Variants in CHM observed in about 807,000 individuals in gnomAD.
CHM encodes rab proteins geranylgeranyltransferase component A 1.
CHM carries 10 observed loss-of-function variants against 49.0 expected under a neutral mutation model. That is an observed-to-expected ratio of 0.20 (90% CI 0.13 to 0.35). The LOEUF (loss-of-function observed/expected upper bound fraction) is 0.35, where lower values mean the gene tolerates loss of function less well. Ranked by LOEUF, CHM falls within the 10% of genes least tolerant of loss-of-function variation. The pLI is 1.00. For synonymous variants in CHM, 184 were observed against 167.5 expected (o/e 1.10, Z -0.76); for missense variants, 455 against 478.4 (o/e 0.95, Z 0.46).
In CHM at chrX:85,913,014, GAAAAAAAAAAAAAAA is replaced by G. The variant is rs755460793; in HGVS notation, c.1167-1691_1167-1677del. Among the ~76,000 whole-genome samples the G allele has an allele frequency of 5.7e-3, 217 of 38,250 alleles. 1 individual carries two copies. Among genetic ancestry groups the G allele is most frequent in the South Asian group, 0.048 (21 of 436 alleles). The allele number at this position is 38,250 out of a possible 115,157, so 33.2% of individuals were successfully genotyped here. A position where few individuals can be genotyped will look rare whatever the true frequency, so the allele number is the denominator to read the frequency against. On this transcript the variant is annotated intron_variant, in intron 8 of 14. Coordinates refer to ENST00000357749, the MANE Select transcript of CHM (RefSeq NM_000390.4). ...GGTGACAGAGTGAGACTCCATCTCA[GAAAAAAAAAAAAAAA>G]AAAAAAAAAAGGAAAGAAAGAGGCA... is the stretch of plus-strand genomic sequence containing the variant.
In CHM at chrX:85,890,604, C is replaced by T. The variant is rs970900949; in HGVS notation, c.1510+3584G>A. ...CCTGATTTTTCTCCTTCTGCTGCCACGTAAGAAGTGCCTTTTGCCTCCTGC... is the reference window on the plus strand; with the variant it reads ...CCTGATTTTTCTCCTTCTGCTGCCATGTAAGAAGTGCCTTTTGCCTCCTGC... On this transcript the variant is annotated intron_variant, in intron 12 of 14. Coordinates refer to ENST00000357749, the MANE Select transcript of CHM (RefSeq NM_000390.4). Among the ~76,000 whole-genome samples the T allele has an allele frequency of 1.2e-4, 14 of 112,087 alleles. No homozygotes were observed. In the East Asian group the frequency reaches 2.2e-3, roughly 18 times the overall value.
chrX:86,038,982 C>G (rs1229740973), intron 1 of CHM, among the ~76,000 whole-genome samples: 1 of 112,424 alleles, frequency 8.9e-6, no homozygotes, highest in Non-Finnish European at 1.9e-5. Flanking sequence ...CAACCTTAGT[C>G]AGAAAAACTT....
At chrX:85,951,213 G>T (rs958926825) in intron 8 of CHM, among the ~76,000 whole-genome samples, 5 of 111,379 alleles carry the variant, frequency 4.5e-5, no homozygotes, top group Non-Finnish European at 9.4e-5. Flanking sequence ...GCAGGGGAGG[G>T]GAGAGATGAT....
chrX:86,018,855 G>A (rs1248820608), intron 2 of CHM, among the ~76,000 whole-genome samples: 1 of 111,919 alleles, frequency 8.9e-6, no homozygotes, highest in Non-Finnish European at 1.9e-5. Flanking sequence ...ACAGACTAGT[G>A]GTCACTGGGG....
chrX:85,894,943 A>ATG (rs1330037664), intron 11 of CHM, among the ~76,000 whole-genome samples: 1 of 111,527 alleles, frequency 9.0e-6, no homozygotes, highest in Non-Finnish European at 1.9e-5. Context: ...AACTATATAT[A>ATG]TATCAAAACA....
rs1200434037 is a variant in CHM, at chrX:85,864,374, G to T, written c.*256C>A. ...TTCATATCCACAGTTACATTCCTGA[G>T]AATCAATTGATTTATAATTTTCATC... On this transcript the variant is annotated 3_prime_UTR_variant, in exon 15 of 15. Coordinates refer to ENST00000357749, the MANE Select transcript of CHM (RefSeq NM_000390.4). The T allele has an allele frequency of 5.5e-6, 2 of 364,264 alleles. No homozygotes were observed. Among genetic ancestry groups the T allele is most frequent in the African/African-American group, 5.1e-5 (2 of 38,904 alleles). 30.0% of individuals were successfully genotyped at this position (364,264 alleles called of 1,213,427 possible). A position where few individuals can be genotyped will look rare whatever the true frequency, so the allele number is the denominator to read the frequency against.
intron 14 of CHM, among the ~76,000 whole-genome samples, chrX:85,868,385 G>T (rs2148115454): frequency 9.1e-6 from 1 of 110,421 alleles, no homozygotes; most frequent in Non-Finnish European, 1.9e-5. Flanking sequence ...GCCTGTCTTT[G>T]CTCTCCATCC....
intron 2 of CHM, among the ~76,000 whole-genome samples, chrX:86,011,140 T>C (rs1933055522): frequency 8.9e-6 from 1 of 111,844 alleles, no homozygotes. Context: ...TGAGGATATA[T>C]AGACATATAA....
chrX:85,946,860 G>C (rs1405130322), intron 8 of CHM, among the ~76,000 whole-genome samples: 63 of 112,461 alleles, frequency 5.6e-4, no homozygotes, highest in Non-Finnish European at 3.6e-4. Context: ...CAACCTGTGA[G>C]AGCAGCCACA....
chrX:86,024,424 A>T (rs192686701), intron 2 of CHM, among the ~76,000 whole-genome samples: 23 of 112,625 alleles, frequency 2.0e-4, no homozygotes, highest in Admixed American at 2.0e-3. Flanking sequence ...CTCTGCTTTC[A>T]TCTTTTCAAG....
chrX:85,900,113 A>G (rs1303659107), intron 11 of CHM, among the ~76,000 whole-genome samples: 1 of 112,008 alleles, frequency 8.9e-6, no homozygotes, highest in Non-Finnish European at 1.9e-5. Flanking sequence ...CTAAGTGTTC[A>G]TCAATGGAAG....
chrX:85,903,812 T>C (rs1336075243), intron 9 of CHM: 9 of 307,157 alleles, frequency 2.9e-5, no homozygotes, highest in Admixed American at 2.7e-4. Context: ...ACAGATAAAA[T>C]ATTTGTTTCT....
intron 5 of CHM, among the ~76,000 whole-genome samples, chrX:85,960,079 T>G (rs1021821963): frequency 3.8e-4 from 42 of 111,658 alleles, no homozygotes; most frequent in African/African-American, 1.3e-3. Context: ...CCTAACACAC[T>G]ACATTACTGA....
chrX:85,881,233 T>C, intron 12 of CHM, among the ~76,000 whole-genome samples: 1 of 112,051 alleles, frequency 8.9e-6, no homozygotes, highest in African/African-American at 3.2e-5. Flanking sequence ...GATTAGTTTC[T>C]TGTATAAAAT....
At chrX:85,952,273 T>C (rs1274453343) in intron 8 of CHM, among the ~76,000 whole-genome samples, 1 of 110,745 alleles carries the variant, frequency 9.0e-6, no homozygotes, top group African/African-American at 3.3e-5. Flanking sequence ...CCCCAAACCC[T>C]AGGCCATGCA....
chrX:86,014,746 G>T, intron 2 of CHM, among the ~76,000 whole-genome samples: 1 of 112,063 alleles, frequency 8.9e-6, no homozygotes, highest in South Asian at 3.8e-4. Context: ...AGCACTTTGT[G>T]TGGCCAAGGC....
At chrX:85,946,299 A>G (rs1401178226) in intron 8 of CHM, among the ~76,000 whole-genome samples, 1 of 112,616 alleles carries the variant, frequency 8.9e-6, no homozygotes, top group African/African-American at 3.2e-5. Flanking sequence ...ACTAACAGCC[A>G]AGACAATGGG....
rs765940668 is a variant in CHM, at chrX:85,955,326, T to A, written c.1166+827A>T. Among the ~76,000 whole-genome samples the A allele has an allele frequency of 1.7e-3, 185 of 111,873 alleles. 1 individual carries two copies. Among genetic ancestry groups the A allele is most frequent in the African/African-American group, 5.9e-3 (182 of 30,820 alleles). Reference sequence around the variant, plus strand: ...TTACCATGATGGATTACACTTTGCATGCCTGTATTAAACTATCTCATGTAC... The same window carrying A: ...TTACCATGATGGATTACACTTTGCAAGCCTGTATTAAACTATCTCATGTAC... On this transcript the variant is annotated intron_variant, in intron 8 of 14. Transcript: ENST00000357749.
At chrX:85,973,954 C>T (rs1436454379) in intron 4 of CHM, among the ~76,000 whole-genome samples, 1 of 111,893 alleles carries the variant, frequency 8.9e-6, no homozygotes, top group Non-Finnish European at 1.9e-5. Context: ...AGGCATAAAA[C>T]TTTTCCTCTT....
Sources: gnomAD v4.1 joint callset for allele counts (sites outside exome capture counted in the v4.1 genomes callset) on GRCh38, gnomAD v4.1.1 for gene constraint, MANE v1.5 for transcripts, NCBI Gene and HGNC (gene_info 2026-07-23, HGNC 2026-07-21) for gene names.